Variants in KANSL1L observed in about 807,000 individuals in gnomAD.
The protein encoded by KANSL1L is KAT8 regulatory NSL complex subunit 1-like protein.
In KANSL1L, 25 loss-of-function variants were observed where a neutral mutation model predicts 108.6. The observed-to-expected ratio is 0.23, with a 90% confidence interval of 0.17 to 0.32. KANSL1L has a LOEUF of 0.32. KANSL1L is among the 10% of genes least tolerant of loss of function. KANSL1L has a pLI of 1.00. For synonymous variants in KANSL1L, 405 were observed against 395.1 expected, an observed-to-expected ratio of 1.03 and a Z score of -0.30; for missense variants, 1,137 against 1,125.7, an observed-to-expected ratio of 1.01 and a Z score of -0.14.
chr2:210,046,758 C>T (rs1020556636), intron 6 of KANSL1L, among the ~76,000 whole-genome samples: 17 of 152,140 alleles, frequency 1.1e-4, no homozygotes, highest in Non-Finnish European at 2.5e-4. Context: ...CTCTCCTAGG[C>T]TAGAATCATG....
Position 210,043,578 on chromosome 2 carries a change from G to GTATAACA in KANSL1L, c.1921+354_1921+360dup, listed in dbSNP as rs2094191773. On this transcript the variant is annotated intron_variant, in intron 7 of 14. Transcript: ENST00000281772. ...TATTTTATGACAGGGAAACCTCCAT[G>GTATAACA]TATAACAGCACATTAGAAAAAGAAC... 3.1e-5 allele frequency: 5 copies of GTATAACA among 162,360 alleles called. No individual in the cohort carries two copies. In the Admixed American group the frequency reaches 3.2e-4, roughly 10 times the overall value. 10.1% of individuals were successfully genotyped at this position (162,360 alleles called of 1,614,324 possible). A position where few individuals can be genotyped will look rare whatever the true frequency, so the allele number is the denominator to read the frequency against.
intron 6 of KANSL1L, among the ~76,000 whole-genome samples, chr2:210,058,028 G>C (rs1012668400): frequency 2.0e-5 from 3 of 152,208 alleles, no homozygotes; most frequent in African/African-American, 7.2e-5. Flanking sequence ...CAGGGAACAA[G>C]AGAGATAACC....
chr2:210,085,953 C>G (rs2094633694), intron 5 of KANSL1L, among the ~76,000 whole-genome samples: 1 of 150,348 alleles, frequency 6.7e-6, no homozygotes, highest in Non-Finnish European at 1.5e-5. Flanking sequence ...TATTGTCATT[C>G]ACAGGAATCC....
At chr2:210,137,357 TG>T (rs1424323091) in intron 2 of KANSL1L, among the ~76,000 whole-genome samples, 2 of 152,202 alleles carry the variant, frequency 1.3e-5, no homozygotes, top group Non-Finnish European at 2.9e-5. Flanking sequence ...GAGAAAAGCT[TG>T]ACCTTGATCA....
At chr2:210,167,585 G>C (rs1475170489) in intron 1 of KANSL1L, among the ~76,000 whole-genome samples, 5 of 151,900 alleles carry the variant, frequency 3.3e-5, no homozygotes, top group Non-Finnish European at 7.4e-5. Context: ...AACTTCACAT[G>C]AATAAACACT....
chr2:210,078,800 C>G (rs1243432335), intron 5 of KANSL1L, among the ~76,000 whole-genome samples: 1 of 152,026 alleles, frequency 6.6e-6, no homozygotes, highest in Non-Finnish European at 1.5e-5. Flanking sequence ...TGCTTTTTCC[C>G]CAGGAGATGA....
intron 6 of KANSL1L, among the ~76,000 whole-genome samples, chr2:210,058,116 C>A (rs1422381234): frequency 2.0e-5 from 3 of 152,176 alleles, no homozygotes; most frequent in Admixed American, 6.5e-5. Context: ...GGAGAAATAT[C>A]GCTGAATTCT....
chr2:210,048,880 C>T (rs887994306), intron 6 of KANSL1L, among the ~76,000 whole-genome samples: 3 of 152,118 alleles, frequency 2.0e-5, no homozygotes, highest in African/African-American at 7.2e-5. Flanking sequence ...TATTTTAAAA[C>T]CCAATTCTTA....
chr2:210,031,569 ATTAAGT>A (rs1559500238), intron 8 of KANSL1L, 23 bp from the exon 9 acceptor site: 24 of 1,452,516 alleles, frequency 1.7e-5, no homozygotes, highest in Non-Finnish European at 2.2e-5. Flanking sequence ...AAAAGGAAAT[ATTAAGT>A]TTTAGTTCCT....
intron 5 of KANSL1L, chr2:210,079,664 ATG>A (rs1559539818): frequency 3.3e-3 from 33 of 10,052 alleles, no homozygotes; most frequent in African/African-American, 4.5e-3. Context: ...ATATATATAT[ATG>A]TATGTGTGTA....
chr2:210,026,990 C>G (rs1176597087), intron 12 of KANSL1L, among the ~76,000 whole-genome samples: 1 of 152,214 alleles, frequency 6.6e-6, no homozygotes, highest in Non-Finnish European at 1.5e-5. Flanking sequence ...CTAGGATGGT[C>G]TCCATCTCCT....
At position 210,043,974 on chromosome 2, in the gene KANSL1L, T is replaced by A; in HGVS notation, c.1886A>T (p.Asp629Val). Residue 629 changes from aspartate to valine, a missense_variant, in exon 7 of 15, where the codon GAT (aspartate) becomes GTT (valine). Physicochemically the swap from Asp to Val is radical, Grantham distance 152. This residue lies in a region of KANSL1L where 575 missense variants were observed against 567.1 expected (regional missense o/e 1.01). Coordinates refer to ENST00000281772, the MANE Select transcript of KANSL1L (RefSeq NM_152519.4). ...TGATAGAACAGAATGGAAAGAGGAA[T>A]CTAACTCTGATACATGTTCTCTTAA... ...YLLREHVSEL[D>V]SSFHSVLSLP... 6.2e-7 allele frequency: 1 copy of A among 1,601,920 alleles called. No homozygotes were observed. The highest frequency in any genetic ancestry group is 8.5e-7 in the Non-Finnish European group (1 of 1,174,258).
At chr2:210,049,284 C>T (rs1391842426) in intron 6 of KANSL1L, among the ~76,000 whole-genome samples, 1 of 150,710 alleles carries the variant, frequency 6.6e-6, no homozygotes, top group Admixed American at 6.6e-5. Flanking sequence ...TTCTCTTCCA[C>T]CCCCCCACCC....
intron 1 of KANSL1L, among the ~76,000 whole-genome samples, chr2:210,159,215 C>T (rs1364521202): frequency 6.6e-6 from 1 of 152,196 alleles, no homozygotes; most frequent in Non-Finnish European, 1.5e-5. Flanking sequence ...GAAACACCGG[C>T]CTCTATGCTG....
chr2:210,170,770 CG>C (rs1477484687), intron 1 of KANSL1L: 1 of 152,296 alleles, frequency 6.6e-6, no homozygotes, highest in Non-Finnish European at 1.5e-5. Flanking sequence ...AGGCAAGAGG[CG>C]GGTCCAGGAA....
intron 6 of KANSL1L, among the ~76,000 whole-genome samples, chr2:210,064,934 C>T (rs927206391): frequency 1.3e-5 from 2 of 151,182 alleles, no homozygotes; most frequent in Non-Finnish European, 2.9e-5. Context: ...GGTTTCTAGG[C>T]AGAATGTGCA....
At chr2:210,078,840 T>C (rs2094560205) in intron 5 of KANSL1L, among the ~76,000 whole-genome samples, 1 of 152,156 alleles carries the variant, frequency 6.6e-6, no homozygotes, top group African/African-American at 2.4e-5. Flanking sequence ...TTGACTAAAA[T>C]AGGAACCTAA....
Position 210,153,622 on chromosome 2 carries a change from T to C in KANSL1L, c.961A>G (p.Ile321Val). ...NGFARCTAAE[I>V]QRFAFSATGL... is the part of the protein sequence containing the mutation. ...GTAGCAGAAAATGCAAATCTTTGGA[T>C]TTCCGCAGCTGTACACCGTGCAAAG... The change falls in exon 2 of 15, where the codon ATC (isoleucine) becomes GTC (valine). Residue 321 changes from isoleucine (I) to valine (V), a missense_variant. Physicochemically the swap from Ile to Val is conservative, Grantham distance 29. Coordinates refer to ENST00000281772, the MANE Select transcript of KANSL1L (RefSeq NM_152519.4). The C allele has an allele frequency of 6.2e-7, 1 of 1,613,796 alleles. No homozygotes were observed. The highest frequency in any genetic ancestry group is 1.1e-5 in the South Asian group (1 of 90,986).
intron 4 of KANSL1L, among the ~76,000 whole-genome samples, chr2:210,103,027 T>C (rs1009768057): frequency 2.0e-5 from 3 of 152,310 alleles, no homozygotes; most frequent in Non-Finnish European, 4.4e-5. Context: ...CGTATGCTTA[T>C]TGAGGCACTA....
Sources: gnomAD v4.1 joint callset for allele counts (sites outside exome capture counted in the v4.1 genomes callset) on GRCh38, gnomAD v4.1.1 for gene constraint, gnomAD v4.1.1 regional missense constraint, MANE v1.5 for transcripts, NCBI Gene and HGNC (gene_info 2026-07-23, HGNC 2026-07-21) for gene names.